C2CD5: variants seen among roughly 807,000 people sequenced by gnomAD.
C2CD5 encodes the protein C2 domain-containing protein 5.
A neutral mutation model predicts 130.3 loss-of-function variants in C2CD5; 109 were observed. The ratio of observed to expected loss-of-function variants is 0.84; its 90% CI spans 0.72 to 0.98. The LOEUF (loss-of-function observed/expected upper bound fraction) is 0.98, where lower values mean the gene tolerates loss of function less well. Among genes scored for constraint, C2CD5 ranks in the 50% least tolerant of loss-of-function variants. The pLI, the probability that C2CD5 is intolerant of heterozygous loss-of-function variation, is 0.00. For synonymous variants in C2CD5, 454 were observed against 429.2 expected, an observed-to-expected ratio of 1.06 and a Z score of -0.71; for missense variants, 996 against 1,261.8, an observed-to-expected ratio of 0.79 and a Z score of 3.19.
chr12:22,515,277 C>CTAAGCAATTAAATTTAAAATGT (rs1949603773), intron 8 of C2CD5: 1 of 200,208 alleles, frequency 5.0e-6, no homozygotes, highest in Non-Finnish European at 8.9e-6. Context: ...AGACAAATTA[C>CTAAGCAATTAAATTTAAAATGT]ACTAAGCAAA....
intron 17 of C2CD5, 121 bp from the exon 18 acceptor site, chr12:22,472,468 A>AAACT: frequency 1.6e-6 from 1 of 639,862 alleles, no homozygotes; most frequent in Non-Finnish European, 2.7e-6. Flanking sequence ...TTTTCTTCTA[A>AAACT]AACTATACCT....
chr12:22,487,003 T>C (rs887594486), intron 12 of C2CD5, among the ~76,000 whole-genome samples: 1 of 152,186 alleles, frequency 6.6e-6, no homozygotes, highest in African/African-American at 2.4e-5. Context: ...GCTAGCCATA[T>C]GTAGAAAGCT....
chr12:22,471,565 A>G (rs1272199019), intron 19 of C2CD5, 77 bp from the exon 20 acceptor site: 2 of 732,690 alleles, frequency 2.7e-6, no homozygotes, highest in African/African-American at 1.8e-5. Context: ...AATGTACATT[A>G]TATTATAGCA....
chr12:22,472,671 T>A lies in C2CD5; in HGVS notation c.2107+73A>T. 3 of 869,220 alleles carry A rather than the reference T, an allele frequency of 3.5e-6. No individual in the cohort carries two copies. The Admixed American group carries it at 5.1e-5, about 15-fold the overall frequency. The allele number at this position is 869,220 out of a possible 1,614,324, so 53.8% of individuals were successfully genotyped here. On this transcript the variant is annotated intron_variant, in intron 17 of 26. Transcript: ENST00000446597. The stretch of plus-strand genomic sequence containing the variant: ...AGTCCTTCTTTTAAAGTAAAATTAG[T>A]ACTGTAACAATTATGAGCTAAAACA...
rs761420979 is a variant in C2CD5, at chr12:22,490,183, G to A, written c.1298C>T (p.Ala433Val). The change falls in exon 12 of 27, where the codon GCG becomes GTG. Residue 433 changes from alanine to valine, a missense_variant. By Grantham distance (64) the Ala-to-Val change is moderately conservative (BLOSUM62 0). This residue lies in a region of C2CD5 where 590 missense variants were observed against 631.4 expected (regional missense o/e 0.93). Coordinates refer to ENST00000446597, the MANE Select transcript of C2CD5 (RefSeq NM_001286176.2). ...CAGAAATCTAGGATTCAGTACAGCC[G>A]CTGTGCCAGATGCAGATAAAATGCA... ...EVCILSASGTAAVLNPRFLQD... is the reference protein window; with the variant it reads ...EVCILSASGTVAVLNPRFLQD... 3.8e-5 allele frequency: 62 copies of A among 1,613,208 alleles called. No individual in the cohort carries two copies. In the African/African-American group the frequency reaches 6.0e-4, roughly 16 times the overall value.
In C2CD5 at chr12:22,525,226, G is replaced by A. The variant is rs12311229; in HGVS notation, c.445+384C>T. 2.3e-3 allele frequency among the ~76,000 whole-genome samples: 346 copies of A among 151,952 alleles called. 2 individuals carry two copies. Among genetic ancestry groups the A allele is most frequent in the Middle Eastern group, 0.01 (3 of 292 alleles). ...GGATTTCAATCCTACTACTGCAGGC[G>A]GGCTGTGATCACCAAGATCTGCCCA... On this transcript the variant is annotated intron_variant, in intron 5 of 26. Transcript: ENST00000446597.
chr12:22,505,998 G>A (rs1332074600), intron 10 of C2CD5, among the ~76,000 whole-genome samples: 1 of 143,972 alleles, frequency 6.9e-6, no homozygotes, highest in African/African-American at 2.5e-5. Flanking sequence ...CCTGAGTGCT[G>A]CCTGGGTAGA....
intron 15 of C2CD5, among the ~76,000 whole-genome samples, chr12:22,476,564 AATGG>A (rs1396584586): frequency 6.6e-6 from 1 of 152,134 alleles, no homozygotes; most frequent in Non-Finnish European, 1.5e-5. Flanking sequence ...ATAAGTACTG[AATGG>A]ATGAAGTAAC....
intron 10 of C2CD5, among the ~76,000 whole-genome samples, chr12:22,505,278 A>C (rs576686844): frequency 7.2e-5 from 9 of 125,664 alleles, no homozygotes; most frequent in Non-Finnish European, 1.1e-4. Context: ...TTTTTTTGAG[A>C]CAGAGTTTCG....
intron 3 of C2CD5, among the ~76,000 whole-genome samples, chr12:22,529,150 G>A (rs971061941): frequency 1.3e-5 from 2 of 152,072 alleles, no homozygotes; most frequent in Admixed American, 1.3e-4. Flanking sequence ...AGGTGGGTGA[G>A]GTTCAATATA....
intron 25 of C2CD5, 136 bp downstream of exon 25, chr12:22,456,833 CTA>C (rs1939966051): frequency 7.4e-6 from 4 of 543,844 alleles, no homozygotes; most frequent in Admixed American, 3.8e-5. Context: ...GAAATAAACT[CTA>C]GACTCAATCC....
In C2CD5 at chr12:22,487,317, G is replaced by T. The variant is rs539170715; in HGVS notation, c.1359-2429C>A. ...TTGCAATCTATCCATCTGACAAAGGGCTAATATCCAGAATCTACAATGAAC... is the reference window on the plus strand; with the variant it reads ...TTGCAATCTATCCATCTGACAAAGGTCTAATATCCAGAATCTACAATGAAC... On this transcript the variant is annotated intron_variant, in intron 12 of 26. Coordinates refer to ENST00000446597, the MANE Select transcript of C2CD5 (RefSeq NM_001286176.2). Among the ~76,000 whole-genome samples, 7 of 152,068 alleles carry T rather than the reference G, an allele frequency of 4.6e-5. No homozygotes were observed. The South Asian group carries it at 1.5e-3, about 32-fold the overall frequency.
chr12:22,544,118 G>A lies in C2CD5; in HGVS notation c.33C>T (p.Ala11=). Residue 11 remains alanine (A), a synonymous_variant, in exon 2 of 27, where the codon GCC becomes GCT. Transcript: ENST00000446597. ...GGTCCATCACTGGCAAATGGCGCCC[G>A]GCCACGATTTTCACCTTCAGCTTCC... MPGKLKVKIV[A]GRHLPVMDRA... 6.2e-7 allele frequency: 1 copy of A among 1,614,092 alleles called. No homozygotes were observed. Among genetic ancestry groups the A allele is most frequent in the Non-Finnish European group, 8.5e-7 (1 of 1,179,978 alleles).
intron 8 of C2CD5, among the ~76,000 whole-genome samples, chr12:22,514,579 T>A (rs957633429): frequency 6.6e-6 from 1 of 152,028 alleles, no homozygotes; most frequent in Non-Finnish European, 1.5e-5. Flanking sequence ...AAATGAGACT[T>A]AAACTGATTC....
At chr12:22,514,987 G>A in intron 8 of C2CD5, 1 of 985,328 alleles carries the variant, frequency 1.0e-6, no homozygotes, top group Non-Finnish European at 1.2e-6. Flanking sequence ...GCTCTTCACT[G>A]AAAGAAACAC....
intron 3 of C2CD5, among the ~76,000 whole-genome samples, chr12:22,533,448 T>G (rs971165906): frequency 6.6e-6 from 1 of 152,164 alleles, no homozygotes; most frequent in African/African-American, 2.4e-5. Flanking sequence ...CAAAGCCTAG[T>G]ACAGTCCCTA....
rs777744145 is a variant in C2CD5, at chr12:22,484,663, T to G, written c.1550+34A>C. On this transcript the variant is annotated intron_variant, in intron 13 of 26. Coordinates refer to ENST00000446597, the MANE Select transcript of C2CD5 (RefSeq NM_001286176.2). Reference sequence around the variant, plus strand: ...TTACGGCTCCCTATCTCATACTTTTTCAGGGACACCGAGTGTTGTTTTCAC... The same window carrying G: ...TTACGGCTCCCTATCTCATACTTTTGCAGGGACACCGAGTGTTGTTTTCAC... 141 of 1,288,986 alleles carry G rather than the reference T, an allele frequency of 1.1e-4. 1 individual carries two copies. Among genetic ancestry groups the G allele is most frequent in the Non-Finnish European group, 1.4e-4 (133 of 945,768 alleles). 79.8% of individuals were successfully genotyped at this position (1,288,986 alleles called of 1,614,324 possible). A position where few individuals can be genotyped will look rare whatever the true frequency, so the allele number is the denominator to read the frequency against.
At chr12:22,499,807 A>C (rs1486467992) in intron 10 of C2CD5, among the ~76,000 whole-genome samples, 1 of 152,230 alleles carries the variant, frequency 6.6e-6, no homozygotes, top group Non-Finnish European at 1.5e-5. Context: ...GTCTGTTACC[A>C]AGCCAGAAAC....
intron 2 of C2CD5, among the ~76,000 whole-genome samples, chr12:22,537,307 C>G (rs922066157): frequency 2.0e-5 from 3 of 152,146 alleles, no homozygotes; most frequent in African/African-American, 7.2e-5. Context: ...CCCTGCTACT[C>G]AAGAAGCTAA....
Sources: gnomAD v4.1 joint callset for allele counts (sites outside exome capture counted in the v4.1 genomes callset) on GRCh38, gnomAD v4.1.1 for gene constraint, gnomAD v4.1.1 regional missense constraint, MANE v1.5 for transcripts, NCBI Gene and HGNC (gene_info 2026-07-23, HGNC 2026-07-21) for gene names.